The following GALNT17 variants were observed in gnomAD, a reference collection of about 807,000 sequenced individuals.
The protein encoded by GALNT17 is polypeptide N-acetylgalactosaminyltransferase 17.
GALNT17 carries 29 observed loss-of-function variants against 63.7 expected under a neutral mutation model. The ratio of observed to expected loss-of-function variants is 0.46; its 90% confidence interval spans 0.34 to 0.62. The LOEUF is 0.62. GALNT17 is among the 20% of genes least tolerant of loss of function. The pLI is 0.01. For synonymous variants in GALNT17, 305 were observed against 318.3 expected, an observed-to-expected ratio of 0.96 and a Z score of 0.45; for missense variants, 603 against 799.6, an observed-to-expected ratio of 0.75 and a Z score of 2.97.
At chr7:71,141,231 G>T (rs1370148276) in intron 1 of GALNT17, among the ~76,000 whole-genome samples, 1 of 152,060 alleles carries the variant, frequency 6.6e-6, no homozygotes, top group African/African-American at 2.4e-5. Context: ...GCCAGGCATG[G>T]TGGCAAGCGC....
rs1020669284 is a variant in GALNT17, at chr7:71,185,372, A to AT, written c.238+52342dup. Among the ~76,000 whole-genome samples, 584 of 146,914 alleles carry AT rather than the reference A, an allele frequency of 4.0e-3. 1 individual carries two copies. The highest frequency in any genetic ancestry group is 6.1e-3 in the Non-Finnish European group (406 of 66,412). On this transcript the variant is annotated intron_variant, in intron 1 of 10. Coordinates refer to ENST00000333538, the MANE Select transcript of GALNT17 (RefSeq NM_022479.3). Reference sequence around the variant, plus strand: ...AGGCACATGCCACCATGCCTTGCTAATTTTTTTTTTATAGAGACAAGGCCT... The same window carrying AT: ...AGGCACATGCCACCATGCCTTGCTAATTTTTTTTTTTATAGAGACAAGGCCT...
At chr7:71,541,395 A>T (rs1246458670) in intron 5 of GALNT17, among the ~76,000 whole-genome samples, 2 of 151,950 alleles carry the variant, frequency 1.3e-5, no homozygotes, top group African/African-American at 4.8e-5. Context: ...TCTACTAAAA[A>T]TACAAAAATT....
intron 1 of GALNT17, among the ~76,000 whole-genome samples, chr7:71,304,527 C>T (rs1016653360): frequency 1.2e-4 from 19 of 152,080 alleles, no homozygotes; most frequent in African/African-American, 4.6e-4. Flanking sequence ...AGAAACACTC[C>T]AAGGGCATCA....
At chr7:71,335,343 G>A (rs1791880002) in intron 1 of GALNT17, among the ~76,000 whole-genome samples, 1 of 152,036 alleles carries the variant, frequency 6.6e-6, no homozygotes, top group African/African-American at 2.4e-5. Context: ...ATTCTAACCA[G>A]ACTTTAACCC....
intron 5 of GALNT17, among the ~76,000 whole-genome samples, chr7:71,468,386 A>G (rs1052306748): frequency 7.3e-5 from 11 of 150,394 alleles, no homozygotes; most frequent in Admixed American, 2.7e-4. Flanking sequence ...CACTGGCCCA[A>G]ACTCCTCCCA....
intron 1 of GALNT17, among the ~76,000 whole-genome samples, chr7:71,257,941 G>C (rs1475923603): frequency 6.6e-6 from 1 of 152,196 alleles, no homozygotes; most frequent in Non-Finnish European, 1.5e-5. Flanking sequence ...GTGACACCAT[G>C]AGCCAGCTGT....
chr7:71,696,462 G>A (rs759688822), intron 9 of GALNT17, among the ~76,000 whole-genome samples: 2 of 152,110 alleles, frequency 1.3e-5, no homozygotes, highest in Non-Finnish European at 2.9e-5. Flanking sequence ...CTGACTGCTG[G>A]ATTTTAAAAT....
chr7:71,424,259 G>A (rs1011517995), intron 5 of GALNT17, among the ~76,000 whole-genome samples: 7 of 152,204 alleles, frequency 4.6e-5, no homozygotes, highest in African/African-American at 1.7e-4. Context: ...CTCAAATGAT[G>A]GACTGACAGA....
intron 5 of GALNT17, among the ~76,000 whole-genome samples, chr7:71,524,811 G>T (rs1788597544): frequency 6.6e-6 from 1 of 152,108 alleles, no homozygotes; most frequent in South Asian, 2.1e-4. Context: ...TGATTTGAGT[G>T]TGTTGCTTGT....
At chr7:71,446,101 C>T (rs1787156371) in intron 5 of GALNT17, among the ~76,000 whole-genome samples, 1 of 152,128 alleles carries the variant, frequency 6.6e-6, no homozygotes, top group Non-Finnish European at 1.5e-5. Flanking sequence ...ATTAGAGCTC[C>T]ATAATTTGTC....
intron 1 of GALNT17, among the ~76,000 whole-genome samples, chr7:71,225,263 A>T (rs990959456): frequency 6.6e-6 from 1 of 152,210 alleles, no homozygotes; most frequent in African/African-American, 2.4e-5. Context: ...GCCACCGCAC[A>T]CAGCCCATAG....
At chr7:71,634,695 A>T (rs1486806327) in intron 6 of GALNT17, among the ~76,000 whole-genome samples, 2 of 150,930 alleles carry the variant, frequency 1.3e-5, no homozygotes, top group African/African-American at 4.9e-5. Context: ...CGGAGGTTGC[A>T]GTGAGCCGAG....
intron 1 of GALNT17, among the ~76,000 whole-genome samples, chr7:71,142,579 A>G (rs1335294322): frequency 1.3e-5 from 2 of 152,240 alleles, no homozygotes; most frequent in Non-Finnish European, 2.9e-5. Flanking sequence ...GATCATGCTT[A>G]CTTAGGCATT....
intron 1 of GALNT17, among the ~76,000 whole-genome samples, chr7:71,297,976 A>G (rs116455134): frequency 7.2e-5 from 11 of 152,274 alleles, no homozygotes; most frequent in African/African-American, 2.6e-4. Context: ...TAGCTACACA[A>G]CAGATGTTTA....
chr7:71,691,836 GCTC>G (rs1791447009), intron 9 of GALNT17, among the ~76,000 whole-genome samples: 2 of 151,958 alleles, frequency 1.3e-5, no homozygotes, highest in Non-Finnish European at 1.5e-5. Flanking sequence ...AGTCACTTCT[GCTC>G]CTCTTTTTTT....
At chr7:71,688,306 G>A (rs1791391670) in intron 9 of GALNT17, among the ~76,000 whole-genome samples, 1 of 152,146 alleles carries the variant, frequency 6.6e-6, no homozygotes, top group African/African-American at 2.4e-5. Context: ...TATTCAAAAT[G>A]TTTCTGATTT....
chr7:71,298,372 T>C (rs1202241294), intron 1 of GALNT17, among the ~76,000 whole-genome samples: 1 of 48,076 alleles, frequency 2.1e-5, no homozygotes, highest in East Asian at 6.4e-4. Context: ...GCTGTACTTT[T>C]TGCAAAAACA....
intron 1 of GALNT17, among the ~76,000 whole-genome samples, chr7:71,252,302 G>T (rs555410250): frequency 6.6e-6 from 1 of 151,570 alleles, no homozygotes; most frequent in African/African-American, 2.4e-5. Flanking sequence ...TGAGGCAGGC[G>T]GATCACAAGG....
chr7:71,178,530 A>G (rs901144554), intron 1 of GALNT17, among the ~76,000 whole-genome samples: 1 of 152,130 alleles, frequency 6.6e-6, no homozygotes, highest in Non-Finnish European at 1.5e-5. Flanking sequence ...AGTGTATTGA[A>G]TGGACTGATA....
Sources: allele counts gnomAD v4.1 joint callset (sites outside exome capture counted in the v4.1 genomes callset), GRCh38; gene constraint gnomAD v4.1.1; transcripts MANE v1.5; gene names NCBI Gene and HGNC (gene_info 2026-07-23, HGNC 2026-07-21).